Variants in CREB3L1 observed in about 807,000 individuals in gnomAD.
CREB3L1 encodes the protein cyclic AMP-responsive element-binding protein 3-like protein 1.
A neutral mutation model predicts 54.5 loss-of-function variants in CREB3L1; 33 were observed. The observed-to-expected ratio is 0.61, with a 90% confidence interval of 0.46 to 0.81. The LOEUF (loss-of-function observed/expected upper bound fraction) is 0.81, where lower values mean the gene tolerates loss of function less well. Ranked by LOEUF, CREB3L1 falls within the 30% of genes least tolerant of loss-of-function variation. The pLI is 0.00. For synonymous variants in CREB3L1, 284 were observed against 286.4 expected, an observed-to-expected ratio of 0.99 and a Z score of 0.08; for missense variants, 656 against 673.3, an observed-to-expected ratio of 0.97 and a Z score of 0.29.
intron 1 of CREB3L1, among the ~76,000 whole-genome samples, chr11:46,297,601 G>A (rs1196307437): frequency 2.0e-5 from 3 of 152,222 alleles, no homozygotes; most frequent in African/African-American, 7.2e-5. Flanking sequence ...TGTCTCATTG[G>A]ATAATTGTGA....
At chr11:46,282,814 C>A (rs904130546) in intron 1 of CREB3L1, among the ~76,000 whole-genome samples, 8 of 152,154 alleles carry the variant, frequency 5.3e-5, no homozygotes, top group Non-Finnish European at 1.0e-4. Flanking sequence ...TGACATAAAC[C>A]TAGCACAGTC....
intron 1 of CREB3L1, among the ~76,000 whole-genome samples, chr11:46,283,594 C>T (rs1239466299): frequency 6.6e-6 from 1 of 152,054 alleles, no homozygotes; most frequent in Non-Finnish European, 1.5e-5. Flanking sequence ...TTAAAAAAAT[C>T]CCAGGCTGGA....
At chr11:46,312,572 G>A in intron 6 of CREB3L1, 40 bp from the exon 7 acceptor site, 1 of 1,608,506 alleles carries the variant, frequency 6.2e-7, no homozygotes, top group Non-Finnish European at 8.5e-7. Flanking sequence ...AAGTGAATAT[G>A]TGGCAGTGCT....
intron 9 of CREB3L1, among the ~76,000 whole-genome samples, chr11:46,316,850 C>T (rs1939574069): frequency 6.6e-6 from 1 of 152,224 alleles, no homozygotes; most frequent in Admixed American, 6.5e-5. Flanking sequence ...CTGGAAATGG[C>T]CAGTCTCTTG....
At chr11:46,313,975 G>A (rs1252627479) in intron 8 of CREB3L1, among the ~76,000 whole-genome samples, 3 of 152,088 alleles carry the variant, frequency 2.0e-5, no homozygotes, top group Non-Finnish European at 4.4e-5. Context: ...AGTGGCTTAC[G>A]CCTGTAATCC....
chr11:46,311,238 T>A, intron 5 of CREB3L1, 49 bp downstream of exon 5: 1 of 1,474,270 alleles, frequency 6.8e-7, no homozygotes, highest in African/African-American at 1.4e-5. Context: ...ATTGAATACA[T>A]CCACCTGAGC....
intron 1 of CREB3L1, among the ~76,000 whole-genome samples, chr11:46,290,332 A>G (rs1939111877): frequency 6.6e-6 from 1 of 151,504 alleles, no homozygotes; most frequent in Non-Finnish European, 1.5e-5. Flanking sequence ...GTCTCTATGA[A>G]CCCCAGGGGC....
chr11:46,279,781 A>G (rs1938938897), intron 1 of CREB3L1, among the ~76,000 whole-genome samples: 2 of 152,200 alleles, frequency 1.3e-5, no homozygotes, highest in South Asian at 4.1e-4. Flanking sequence ...GAAGTCAAGC[A>G]GGGCAGTAGA....
intron 10 of CREB3L1, among the ~76,000 whole-genome samples, chr11:46,317,703 G>A (rs1019903265): frequency 2.0e-5 from 3 of 152,160 alleles, no homozygotes; most frequent in Admixed American, 1.3e-4. Flanking sequence ...CAGAGCTCCC[G>A]ATGCCCAGCC....
intron 1 of CREB3L1, among the ~76,000 whole-genome samples, chr11:46,296,790 G>T (rs1204207248): frequency 1.3e-5 from 2 of 151,496 alleles, no homozygotes; most frequent in African/African-American, 2.4e-5. Flanking sequence ...CTTGGCTCCC[G>T]TTGCTCTGGA....
chr11:46,301,851 TGA>T (rs1003343799), intron 2 of CREB3L1, among the ~76,000 whole-genome samples: 2 of 151,912 alleles, frequency 1.3e-5, no homozygotes, highest in African/African-American at 4.8e-5. Flanking sequence ...CTCTGGAGGA[TGA>T]GACAGGAGAG....
At position 46,310,022 on chromosome 11, in the gene CREB3L1, A is replaced by C; in HGVS notation, c.550A>C (p.Lys184Gln). The C allele has an allele frequency of 6.2e-7, 1 of 1,604,536 alleles. No individual in the cohort carries two copies. Among genetic ancestry groups the C allele is most frequent in the Non-Finnish European group, 8.5e-7 (1 of 1,175,808 alleles). The stretch of plus-strand genomic sequence containing the variant: ...AGAGATGACTCAGCTGCCAGTGATC[A>C]AAGCAGAGCCTCTGGAGGTGAACCA... ...PGEMTQLPVIKAEPLEVNQFL... is the reference protein window; with the variant it reads ...PGEMTQLPVIQAEPLEVNQFL... The change falls in exon 4 of 12, where the codon AAA becomes CAA. Residue 184 changes from lysine to glutamine, a missense_variant. This residue lies in a region of CREB3L1 where 339 missense variants were observed against 331.5 expected (regional missense o/e 1.02). Coordinates refer to ENST00000621158, the MANE Select transcript of CREB3L1 (RefSeq NM_052854.4).
chr11:46,305,488 G>T (rs1011864773), intron 2 of CREB3L1, among the ~76,000 whole-genome samples: 1 of 151,426 alleles, frequency 6.6e-6, no homozygotes, highest in Non-Finnish European at 1.5e-5. Context: ...TCTCCTGGCC[G>T]ATTTCAACAC....
chr11:46,305,686 A>ATC (rs1939380876), intron 2 of CREB3L1, among the ~76,000 whole-genome samples: 4 of 74,468 alleles, frequency 5.4e-5, no homozygotes, highest in Admixed American at 5.2e-4. Context: ...GTGTGTGTGT[A>ATC]TATATGTGTG....
intron 1 of CREB3L1, among the ~76,000 whole-genome samples, chr11:46,294,459 GAC>G (rs1158914133): frequency 6.6e-6 from 1 of 152,156 alleles, no homozygotes; most frequent in Non-Finnish European, 1.5e-5. Context: ...CTTCCATAAA[GAC>G]ACAGACTGTA....
chr11:46,281,372 G>A (rs1409832826), intron 1 of CREB3L1, among the ~76,000 whole-genome samples: 1 of 152,260 alleles, frequency 6.6e-6, no homozygotes, highest in African/African-American at 2.4e-5. Context: ...AGGTCTGTGT[G>A]CTGTCCCCTC....
At chr11:46,281,797 G>A (rs1196669462) in intron 1 of CREB3L1, among the ~76,000 whole-genome samples, 2 of 152,158 alleles carry the variant, frequency 1.3e-5, no homozygotes, top group Non-Finnish European at 2.9e-5. Context: ...GCCTTTAACA[G>A]TCCTTAAAAG....
At chr11:46,286,570 G>A (rs1049903636) in intron 1 of CREB3L1, among the ~76,000 whole-genome samples, 3 of 152,008 alleles carry the variant, frequency 2.0e-5, no homozygotes, top group South Asian at 2.1e-4. Context: ...AGGCTGAGGC[G>A]GGTCAGTAGT....
chr11:46,305,739 TA>T (rs1566187874), intron 2 of CREB3L1, among the ~76,000 whole-genome samples: 17 of 122,344 alleles, frequency 1.4e-4, no homozygotes, highest in African/African-American at 6.3e-4. Context: ...TGTGTATATA[TA>T]TATATATTTT....
Sources: allele counts gnomAD v4.1 joint callset (sites outside exome capture counted in the v4.1 genomes callset), GRCh38; gene constraint gnomAD v4.1.1; regional missense constraint gnomAD v4.1.1; transcripts MANE v1.5; gene names NCBI Gene and HGNC (gene_info 2026-07-23, HGNC 2026-07-21).